Variants in ATP8B4 observed in about 807,000 individuals in gnomAD.
ATP8B4 encodes the protein ATPase phospholipid transporting 8B4 (putative).
In ATP8B4, 133 loss-of-function variants were observed where a neutral mutation model predicts 145.6. The observed-to-expected ratio is 0.91, with a 90% confidence interval of 0.79 to 1.05. ATP8B4 has a LOEUF of 1.05. ATP8B4 is among the 50% of genes least tolerant of loss of function. The pLI is 0.00. For synonymous variants in ATP8B4, 507 were observed against 492.9 expected (o/e 1.03, Z -0.38); for missense variants, 1,458 against 1,425.2 (o/e 1.02, Z -0.37).
chr15:50,173,276 AAG>A (rs1052482991), intron 1 of ATP8B4, among the ~76,000 whole-genome samples: 8 of 152,236 alleles, frequency 5.3e-5, no homozygotes, highest in African/African-American at 1.9e-4. Context: ...GGGGAAAAGA[AAG>A]AGAAATCAGA....
intron 16 of ATP8B4, 40 bp downstream of exon 16, chr15:49,931,079 G>C (rs1355724068): frequency 1.3e-6 from 2 of 1,556,698 alleles, no homozygotes; most frequent in Non-Finnish European, 1.8e-6. Context: ...AACCACAACA[G>C]TATGAAAAGA....
chr15:50,085,963 T>TTATATATGATATATATCATA lies in ATP8B4; in HGVS notation c.29-11779_29-11778insTATGATATATATCATATATA, dbSNP rs1567331360. On this transcript the variant is annotated intron_variant, in intron 2 of 27. Coordinates refer to ENST00000284509, the MANE Select transcript of ATP8B4 (RefSeq NM_024837.4). ...TATATATGATATATATCATATATATTTATATATGATATATCAAATATATCA... is the reference window on the plus strand; with the variant it reads ...TATATATGATATATATCATATATATTTATATATGATATATATCATATATATATGATATATCAAATATATCA... Among the ~76,000 whole-genome samples, 307 of 53,770 alleles carry TTATATATGATATATATCATA rather than the reference T, an allele frequency of 5.7e-3. 36 individuals carry two copies. Among genetic ancestry groups the TTATATATGATATATATCATA allele is most frequent in the Middle Eastern group, 0.042 (3 of 72 alleles). 35.3% of individuals were successfully genotyped at this position (53,770 alleles called of 152,430 possible). A position where few individuals can be genotyped will look rare whatever the true frequency, so the allele number is the denominator to read the frequency against.
At chr15:49,871,715 G>A (rs1460653748) in intron 25 of ATP8B4, among the ~76,000 whole-genome samples, 2 of 152,120 alleles carry the variant, frequency 1.3e-5, no homozygotes, top group African/African-American at 2.4e-5. Context: ...TGTGGTTTCC[G>A]TTAGGAATGC....
intron 12 of ATP8B4, among the ~76,000 whole-genome samples, chr15:49,973,999 G>A (rs1004681444): frequency 1.3e-5 from 2 of 151,140 alleles, no homozygotes; most frequent in African/African-American, 4.9e-5. Flanking sequence ...ATTTATTAAT[G>A]ATTTGTAAGA....
chr15:50,132,926 C>G (rs2044068092), intron 1 of ATP8B4, among the ~76,000 whole-genome samples: 1 of 151,734 alleles, frequency 6.6e-6, no homozygotes. Flanking sequence ...CACATGGACA[C>G]AGGGAGGGGA....
intron 1 of ATP8B4, among the ~76,000 whole-genome samples, chr15:50,125,291 C>T (rs2057299825): frequency 6.6e-6 from 1 of 152,176 alleles, no homozygotes; most frequent in Admixed American, 6.5e-5. Flanking sequence ...CCCATTTTCT[C>T]CTTAGCAAAC....
At chr15:50,027,379 G>GTGGATGGATGGA (rs56814126) in intron 6 of ATP8B4, among the ~76,000 whole-genome samples, 33,253 of 148,886 alleles carry the variant, frequency 0.22, 4,280 homozygotes, top group East Asian at 0.55. Context: ...GGATGGATGG[G>GTGGATGGATGGA]TGGATGGATG....
intron 2 of ATP8B4, among the ~76,000 whole-genome samples, chr15:50,081,021 G>A (rs1475530199): frequency 6.6e-6 from 1 of 151,680 alleles, no homozygotes. Context: ...GCTGAGGCAG[G>A]AGAATGGCGA....
At chr15:50,150,523 T>C (rs1447399131) in intron 1 of ATP8B4, among the ~76,000 whole-genome samples, 1 of 152,250 alleles carries the variant, frequency 6.6e-6, no homozygotes, top group African/African-American at 2.4e-5. Flanking sequence ...GTTGCTCATC[T>C]ACACCCACAT....
intron 1 of ATP8B4, among the ~76,000 whole-genome samples, chr15:50,150,034 G>A (rs1372925708): frequency 6.6e-6 from 1 of 151,992 alleles, no homozygotes; most frequent in Non-Finnish European, 1.5e-5. Flanking sequence ...CCGGGAGGTG[G>A]AGGTTGCAGT....
chr15:49,949,684 G>A (rs2042897091), intron 14 of ATP8B4, among the ~76,000 whole-genome samples: 1 of 151,926 alleles, frequency 6.6e-6, no homozygotes, highest in African/African-American at 2.4e-5. Context: ...TGACTACCCT[G>A]GCCAGAACTT....
At chr15:49,918,528 T>C (rs77087350) in intron 19 of ATP8B4, among the ~76,000 whole-genome samples, 3,566 of 152,260 alleles carry the variant, frequency 0.023, 145 homozygotes, top group African/African-American at 0.081. Context: ...CTGGGGACAG[T>C]GTTCATATAA....
At chr15:49,921,247 T>C (rs190015690) in intron 17 of ATP8B4, among the ~76,000 whole-genome samples, 2 of 152,310 alleles carry the variant, frequency 1.3e-5, no homozygotes, top group Middle Eastern at 3.4e-3. Context: ...TAACAAATTG[T>C]TGGGAATTTT....
intron 5 of ATP8B4, among the ~76,000 whole-genome samples, chr15:50,042,585 T>C (rs1463220299): frequency 1.3e-5 from 2 of 152,224 alleles, no homozygotes; most frequent in South Asian, 2.1e-4. Context: ...TTTTAAATTA[T>C]GAATTTCACA....
At chr15:50,090,527 C>A (rs1480126352) in intron 2 of ATP8B4, among the ~76,000 whole-genome samples, 1 of 152,144 alleles carries the variant, frequency 6.6e-6, no homozygotes, top group Non-Finnish European at 1.5e-5. Context: ...CATGTGAGGA[C>A]ACAGTAAAAA....
rs115505914 is a variant in ATP8B4 at position 50,137,934 on chromosome 15, A to G, written c.-42-30926T>C. 2.7e-3 allele frequency among the ~76,000 whole-genome samples: 415 copies of G among 152,286 alleles called. 1 individual carries two copies. Among genetic ancestry groups the G allele is most frequent in the African/African-American group, 9.4e-3 (392 of 41,562 alleles). ...TTCTCTGCTCAGCTACTCCCTTATC[A>G]AAGTTCTCACTTACCAACTTAATTG... On this transcript the variant is annotated intron_variant, in intron 1 of 3. Coordinates refer to the ATP8B4 transcript ENST00000558829.
chr15:49,940,252 G>A (rs764923989), intron 14 of ATP8B4, among the ~76,000 whole-genome samples: 26 of 152,146 alleles, frequency 1.7e-4, no homozygotes, highest in Non-Finnish European at 3.4e-4. Context: ...GTAGCCACAT[G>A]GATGCAGCTG....
chr15:50,043,445 T>G (rs1159154643), intron 5 of ATP8B4, among the ~76,000 whole-genome samples: 6 of 152,270 alleles, frequency 3.9e-5, no homozygotes, highest in African/African-American at 9.6e-5. Context: ...TGAGTGTGCT[T>G]GCTCTCCTGC....
At chr15:49,912,297 AAGAG>A (rs1301557372) in intron 20 of ATP8B4, among the ~76,000 whole-genome samples, 1 of 152,148 alleles carries the variant, frequency 6.6e-6, no homozygotes, top group Non-Finnish European at 1.5e-5. Flanking sequence ...CCAAGAAAAA[AAGAG>A]AGAGGATCCA....
Sources: gnomAD v4.1 joint callset for allele counts (sites outside exome capture counted in the v4.1 genomes callset) on GRCh38, gnomAD v4.1.1 for gene constraint, MANE v1.5 for transcripts, NCBI Gene and HGNC (gene_info 2026-07-23, HGNC 2026-07-21) for gene names.